The following CPNE4 variants were observed in gnomAD, a reference collection of about 807,000 sequenced individuals.
CPNE4 encodes copine-4.
In CPNE4, 25 loss-of-function variants were observed where a neutral mutation model predicts 67.9. The observed-to-expected ratio is 0.37, with a 90% CI of 0.27 to 0.51. The LOEUF (loss-of-function observed/expected upper bound fraction) is 0.51, where lower values mean the gene tolerates loss of function less well. Ranked by LOEUF, CPNE4 falls within the 20% of genes least tolerant of loss-of-function variation. The probability of loss-of-function intolerance (pLI) is 0.93; values close to 1 mark genes in which losing one functional copy is unlikely to be tolerated. For missense variants in CPNE4, 464 were observed against 690.8 expected (o/e 0.67, Z 3.68); for synonymous variants, 242 against 244.9 (o/e 0.99, Z 0.11).
rs1163859518 is a variant in CPNE4 at position 131,751,844 on chromosome 3, C to G, written c.181-28219G>C. On this transcript the variant is annotated intron_variant, in intron 2 of 15. Transcript: ENST00000429747. ...GGAAAGCAGGGGAACTGCCTCATTA[C>G]TACAGGTGAAGATAGAAGTCCAAAT... 4.6e-5 allele frequency among the ~76,000 whole-genome samples: 7 copies of G among 151,504 alleles called. No individual in the cohort carries two copies. In the South Asian group the frequency reaches 1.5e-3, roughly 32 times the overall value.
chr3:131,754,151 T>A (rs949774705), intron 2 of CPNE4, among the ~76,000 whole-genome samples: 1 of 152,158 alleles, frequency 6.6e-6, no homozygotes, highest in Non-Finnish European at 1.5e-5. Context: ...ATAAGGTATT[T>A]TTTTTATGGA....
At chr3:131,854,984 G>A (rs370436826) in intron 2 of CPNE4, among the ~76,000 whole-genome samples, 6 of 151,866 alleles carry the variant, frequency 4.0e-5, no homozygotes, top group African/African-American at 1.5e-4. Context: ...TTCTCCATGG[G>A]CCTGCACAAG....
intron 7 of CPNE4, among the ~76,000 whole-genome samples, chr3:131,637,140 A>G (rs1417362547): frequency 6.6e-6 from 1 of 152,166 alleles, no homozygotes; most frequent in Non-Finnish European, 1.5e-5. Flanking sequence ...GTTATTTAAC[A>G]CCCCCAAAAG....
At chr3:131,559,393 G>A (rs549267745) in intron 11 of CPNE4, among the ~76,000 whole-genome samples, 8 of 152,020 alleles carry the variant, frequency 5.3e-5, no homozygotes, top group Admixed American at 1.3e-4. Context: ...GTAATAGGTA[G>A]CACTCATCCA....
intron 1 of CPNE4, among the ~76,000 whole-genome samples, chr3:131,922,073 C>G (rs1165945565): frequency 1.3e-5 from 2 of 152,090 alleles, no homozygotes; most frequent in Admixed American, 6.6e-5. Context: ...GTTATTCAAC[C>G]CTTGCCCCCA....
intron 6 of CPNE4, among the ~76,000 whole-genome samples, 167 bp from the exon 7 acceptor site, chr3:131,669,931 C>A (rs2080366209): frequency 6.6e-6 from 1 of 152,166 alleles, no homozygotes; most frequent in Non-Finnish European, 1.5e-5. Context: ...TAAGGGTACC[C>A]ACTAAGCAGG....
At chr3:131,813,350 A>G (rs531783329) in intron 2 of CPNE4, among the ~76,000 whole-genome samples, 1 of 151,278 alleles carries the variant, frequency 6.6e-6, no homozygotes, top group Admixed American at 6.6e-5. Flanking sequence ...AGAAGGAGTT[A>G]ACATATCAAA....
intron 1 of CPNE4, among the ~76,000 whole-genome samples, chr3:131,922,511 G>T (rs2070769666): frequency 6.6e-6 from 1 of 152,152 alleles, no homozygotes; most frequent in African/African-American, 2.4e-5. Context: ...AAAGAAGACA[G>T]GAAATGCCCA....
chr3:131,614,417 G>A (rs2107746951), intron 7 of CPNE4, among the ~76,000 whole-genome samples: 1 of 152,324 alleles, frequency 6.6e-6, no homozygotes, highest in South Asian at 2.1e-4. Flanking sequence ...TTGAGTGAAA[G>A]CAAAGGAGAG....
intron 2 of CPNE4, among the ~76,000 whole-genome samples, chr3:131,801,422 G>C (rs9859894): frequency 2.7e-4 from 12 of 43,754 alleles, no homozygotes; most frequent in African/African-American, 7.7e-4. Flanking sequence ...ATACGTGTGT[G>C]TGTGTGTGTG....
intron 2 of CPNE4, among the ~76,000 whole-genome samples, chr3:131,754,281 CA>C (rs1402537374): frequency 6.7e-6 from 1 of 149,568 alleles, no homozygotes; most frequent in Non-Finnish European, 1.5e-5. Context: ...AGAGAAAAAC[CA>C]AAAAGGTTAT....
intron 2 of CPNE4, among the ~76,000 whole-genome samples, chr3:131,808,563 T>C (rs1237805866): frequency 6.6e-6 from 1 of 152,146 alleles, no homozygotes; most frequent in African/African-American, 2.4e-5. Context: ...GAATTGGTCA[T>C]CAAAATGTAG....
At chr3:132,024,751 AG>A (rs751676358) in intron 1 of CPNE4, among the ~76,000 whole-genome samples, 2 of 152,236 alleles carry the variant, frequency 1.3e-5, no homozygotes, top group Non-Finnish European at 2.9e-5. Context: ...ATTGATTGAC[AG>A]GGTGGCTGTG....
intron 5 of CPNE4, among the ~76,000 whole-genome samples, chr3:131,693,694 G>A (rs747680797): frequency 6.6e-5 from 10 of 152,014 alleles, no homozygotes; most frequent in Non-Finnish European, 1.2e-4. Flanking sequence ...AAAGGTATTG[G>A]GACCATGCAT....
chr3:131,805,864 T>C (rs1021709771), intron 2 of CPNE4, among the ~76,000 whole-genome samples: 8 of 152,172 alleles, frequency 5.3e-5, no homozygotes, highest in African/African-American at 1.9e-4. Flanking sequence ...AAAAGAGAAA[T>C]AGACTCTGCC....
chr3:131,733,735 T>G (rs143655576), intron 2 of CPNE4, among the ~76,000 whole-genome samples: 2 of 152,358 alleles, frequency 1.3e-5, no homozygotes, highest in East Asian at 3.9e-4. Context: ...TAAAGCAATT[T>G]TCACTTCACT....
At chr3:131,731,322 T>G (rs1284261492) in intron 2 of CPNE4, among the ~76,000 whole-genome samples, 1 of 152,176 alleles carries the variant, frequency 6.6e-6, no homozygotes, top group Non-Finnish European at 1.5e-5. Flanking sequence ...GGCTCAGAAG[T>G]AAATGAAATG....
intron 2 of CPNE4, among the ~76,000 whole-genome samples, chr3:131,742,207 C>A (rs2082374323): frequency 6.6e-6 from 1 of 152,122 alleles, no homozygotes; most frequent in South Asian, 2.1e-4. Context: ...TGGGGTCAGG[C>A]CTTATGCAAC....
At chr3:131,972,797 T>C (rs1484082755) in intron 1 of CPNE4, among the ~76,000 whole-genome samples, 1 of 152,166 alleles carries the variant, frequency 6.6e-6, no homozygotes, top group Non-Finnish European at 1.5e-5. Flanking sequence ...TTTCTAGGAT[T>C]CTACTTCCTC....
Sources: allele counts gnomAD v4.1 joint callset (sites outside exome capture counted in the v4.1 genomes callset), GRCh38; gene constraint gnomAD v4.1.1; transcripts MANE v1.5; gene names NCBI Gene and HGNC (gene_info 2026-07-23, HGNC 2026-07-21).